Variants in SLC14A2 observed in about 807,000 individuals in gnomAD.
SLC14A2 encodes urea transporter 2.
SLC14A2 carries 91 observed loss-of-function variants against 104.6 expected under a neutral mutation model. The ratio of observed to expected loss-of-function variants is 0.87; its 90% CI spans 0.73 to 1.04. SLC14A2 has a LOEUF of 1.04. Ranked by LOEUF, SLC14A2 falls within the 50% of genes least tolerant of loss-of-function variation. SLC14A2 has a pLI of 0.00. For missense variants in SLC14A2, 1,189 were observed against 1,156.0 expected, an observed-to-expected ratio of 1.03 and a Z score of -0.41; for synonymous variants, 476 against 466.4, an observed-to-expected ratio of 1.02 and a Z score of -0.27.
intron 1 of SLC14A2, among the ~76,000 whole-genome samples, chr18:45,246,646 C>T (rs1404705954): frequency 1.3e-5 from 2 of 151,994 alleles, no homozygotes; most frequent in Non-Finnish European, 2.9e-5. Flanking sequence ...GATCTTGGCT[C>T]ACTGCAACCT....
intron 2 of SLC14A2, among the ~76,000 whole-genome samples, chr18:45,574,589 T>G (rs188433840): frequency 5.2e-4 from 79 of 152,330 alleles, no homozygotes; most frequent in African/African-American, 1.9e-3. Context: ...GACCCTCTCC[T>G]AACATTTGCA....
intron 2 of SLC14A2, among the ~76,000 whole-genome samples, chr18:45,587,159 G>C (rs1339364239): frequency 6.6e-6 from 1 of 152,098 alleles, no homozygotes; most frequent in Non-Finnish European, 1.5e-5. Context: ...ATTTTTAGTA[G>C]AGACACGGTT....
chr18:45,352,559 T>C (rs148792497), intron 1 of SLC14A2, among the ~76,000 whole-genome samples: 1 of 152,142 alleles, frequency 6.6e-6, no homozygotes, highest in Non-Finnish European at 1.5e-5. Flanking sequence ...GATAGAATGA[T>C]GTGTAAGGGC....
At chr18:45,587,302 A>ATGT (rs1266000250) in intron 2 of SLC14A2, among the ~76,000 whole-genome samples, 7 of 152,214 alleles carry the variant, frequency 4.6e-5, no homozygotes, top group Admixed American at 3.3e-4. Context: ...CAAACTCAGT[A>ATGT]TGTTAACTAT....
upstream of SLC14A2, among the ~76,000 whole-genome samples, chr18:45,612,378 C>T (rs1180089146): frequency 2.0e-5 from 3 of 152,218 alleles, no homozygotes; most frequent in Non-Finnish European, 2.9e-5. Flanking sequence ...ATTTAAACTC[C>T]TTACCCATCT....
intron 1 of SLC14A2, among the ~76,000 whole-genome samples, chr18:45,317,657 A>C (rs1302490025): frequency 1.3e-5 from 2 of 152,158 alleles, no homozygotes; most frequent in Non-Finnish European, 2.9e-5. Flanking sequence ...GCAGGAAGAA[A>C]CATGAAACTC....
chr18:45,670,611 T>G (rs1183733095), intron 16 of SLC14A2, among the ~76,000 whole-genome samples: 1 of 152,170 alleles, frequency 6.6e-6, no homozygotes, highest in African/African-American at 2.4e-5. Context: ...GAGCCCTGAA[T>G]TTACACTGAG....
chr18:45,440,756 G>A (rs1278288528), intron 1 of SLC14A2, among the ~76,000 whole-genome samples: 1 of 152,070 alleles, frequency 6.6e-6, no homozygotes, highest in Non-Finnish European at 1.5e-5. Context: ...AAAAAATAAA[G>A]CACTTGGAGC....
intron 7 of SLC14A2, among the ~76,000 whole-genome samples, chr18:45,640,094 C>A (rs762781136): frequency 2.0e-5 from 3 of 151,912 alleles, no homozygotes; most frequent in Non-Finnish European, 2.9e-5. Context: ...AGGGTGAAAA[C>A]CCATCTCTAC....
intron 1 of SLC14A2, among the ~76,000 whole-genome samples, chr18:45,229,803 T>A (rs2084156910): frequency 6.6e-6 from 1 of 152,186 alleles, no homozygotes; most frequent in Non-Finnish European, 1.5e-5. Flanking sequence ...CCTTATTTAA[T>A]CTGGAAAGTT....
At chr18:45,252,816 TGA>T (rs1197136074) in intron 1 of SLC14A2, among the ~76,000 whole-genome samples, 2 of 127,768 alleles carry the variant, frequency 1.6e-5, no homozygotes, top group African/African-American at 6.3e-5. Flanking sequence ...TTTTGGCAAA[TGA>T]GAGAGCCTAA....
At chr18:45,354,169 A>C (rs898109959) in intron 1 of SLC14A2, among the ~76,000 whole-genome samples, 1 of 152,216 alleles carries the variant, frequency 6.6e-6, no homozygotes, top group Non-Finnish European at 1.5e-5. Context: ...AATTACCTAC[A>C]CTATAACCAG....
chr18:45,663,695 C>A, intron 10 of SLC14A2, 90 bp from the exon 11 acceptor site: 3 of 1,439,334 alleles, frequency 2.1e-6, no homozygotes, highest in Non-Finnish European at 1.9e-6. Flanking sequence ...TCCTTTCCAG[C>A]ATCTGTGTGA....
At chr18:45,192,173 C>T in the SLC14A2 span, among the ~76,000 whole-genome samples, 1 of 152,154 alleles carries the variant, frequency 6.6e-6, no homozygotes, top group South Asian at 2.1e-4. Flanking sequence ...CTCTCTAGCA[C>T]AGTTTTGTCC....
intron 1 of SLC14A2, among the ~76,000 whole-genome samples, chr18:45,414,754 A>ATATATATATATATATATAT: frequency 1.3e-5 from 1 of 76,038 alleles, no homozygotes; most frequent in South Asian, 4.4e-4. Flanking sequence ...TAAAAAAAAA[A>ATATATATATATATATATAT]AAAATATATA....
the SLC14A2 span, among the ~76,000 whole-genome samples, chr18:45,204,383 C>T: frequency 4.6e-5 from 7 of 152,116 alleles, no homozygotes; most frequent in African/African-American, 1.7e-4. Flanking sequence ...CCAACATCAC[C>T]GTGTGTGATT....
chr18:45,516,910 G>T (rs1432357544), intron 2 of SLC14A2, among the ~76,000 whole-genome samples: 1 of 152,222 alleles, frequency 6.6e-6, no homozygotes, highest in Admixed American at 6.5e-5. Context: ...AGCAGAGAAA[G>T]CTTCACATGG....
the SLC14A2 span, among the ~76,000 whole-genome samples, chr18:45,179,351 CCT>C: frequency 6.6e-6 from 1 of 152,170 alleles, no homozygotes; most frequent in Non-Finnish European, 1.5e-5. Context: ...CCATTTCTCT[CCT>C]CTCTCCCACC....
intron 1 of SLC14A2, among the ~76,000 whole-genome samples, chr18:45,255,953 T>C (rs183814455): frequency 2.3e-4 from 35 of 152,244 alleles, no homozygotes; most frequent in African/African-American, 8.4e-4. Flanking sequence ...CTAGAGATCT[T>C]AAAAGACTAA....
Sources: allele counts gnomAD v4.1 joint callset (sites outside exome capture counted in the v4.1 genomes callset), GRCh38; gene constraint gnomAD v4.1.1; transcripts MANE v1.5; gene names NCBI Gene and HGNC (gene_info 2026-07-23, HGNC 2026-07-21).